Variants in FAM184A observed in about 807,000 individuals in gnomAD.
The protein encoded by FAM184A is protein FAM184A.
FAM184A carries 99 observed loss-of-function variants against 143.8 expected under a neutral mutation model. That is an observed-to-expected ratio of 0.69 (90% CI 0.58 to 0.81). FAM184A has a LOEUF of 0.81. Ranked by LOEUF, FAM184A falls within the 40% of genes least tolerant of loss-of-function variation. FAM184A has a pLI of 0.00. For missense variants in FAM184A, 1,217 were observed against 1,310.5 expected, an observed-to-expected ratio of 0.93 and a Z score of 1.10; for synonymous variants, 427 against 446.4, an observed-to-expected ratio of 0.96 and a Z score of 0.55.
intron 7 of FAM184A, chr6:119,006,048 T>C (rs1313147345): frequency 3.9e-6 from 3 of 763,226 alleles, no homozygotes; most frequent in Non-Finnish European, 7.2e-6. Flanking sequence ...TGTATTAAGT[T>C]AAGATGATGT....
intron 1 of FAM184A, among the ~76,000 whole-genome samples, chr6:119,045,409 G>A (rs1019086549): frequency 6.6e-6 from 1 of 150,774 alleles, no homozygotes; most frequent in Admixed American, 6.7e-5. Flanking sequence ...AAACCTACCC[G>A]ATGTGCAGAT....
intron 1 of FAM184A, among the ~76,000 whole-genome samples, chr6:119,065,635 G>C (rs1262929894): frequency 6.6e-6 from 1 of 152,062 alleles, no homozygotes; most frequent in East Asian, 1.9e-4. Flanking sequence ...GTATATGACA[G>C]ACCCGTTATC....
Position 119,003,044 on chromosome 6 carries a change from T to C in FAM184A, c.1943A>G (p.Glu648Gly). 1.9e-6 allele frequency: 3 copies of C among 1,596,696 alleles called. No homozygotes were observed. The highest frequency in any genetic ancestry group is 2.6e-6 in the Non-Finnish European group (3 of 1,175,166). ...EIKWTENLRQ[E>G]CSKLREELRL... ...TAACTCTTCACGAAGTTTAGAACAC[T>C]CTTGTCTAAAATAAAACAACTGCAT... The change falls in exon 9 of 18, where the codon GAG becomes GGG. Residue 648 changes from glutamate to glycine, a missense_variant. Glu to Gly is a moderately conservative substitution (Grantham distance 98). Coordinates refer to ENST00000338891, the MANE Select transcript of FAM184A (RefSeq NM_024581.6).
chr6:119,082,774 T>C (rs575988046), upstream of FAM184A, among the ~76,000 whole-genome samples: 7 of 152,342 alleles, frequency 4.6e-5, no homozygotes, highest in East Asian at 3.9e-4. Flanking sequence ...TGAGCGCCTG[T>C]GGCTTTTCCA....
chr6:118,969,899 T>G (rs1362462941), intron 14 of FAM184A, among the ~76,000 whole-genome samples: 1 of 142,128 alleles, frequency 7.0e-6, no homozygotes, highest in Non-Finnish European at 1.5e-5. Context: ...CATGTGGAGT[T>G]TGGTTTTGTT....
intron 9 of FAM184A, among the ~76,000 whole-genome samples, chr6:119,001,695 A>G (rs1474541285): frequency 6.6e-6 from 1 of 152,230 alleles, no homozygotes; most frequent in Non-Finnish European, 1.5e-5. Flanking sequence ...TTACAGTGCA[A>G]ACCCAGCCGA....
chr6:119,047,516 T>A (rs1005043973), intron 1 of FAM184A, among the ~76,000 whole-genome samples: 18 of 152,180 alleles, frequency 1.2e-4, no homozygotes, highest in Admixed American at 1.0e-3. Flanking sequence ...AAAGAAAATG[T>A]CGTACACAAT....
chr6:119,129,879 G>A lies in FAM184A; in HGVS notation c.-202+19199C>T, dbSNP rs548413165. On this transcript the variant is annotated intron_variant, in intron 1 of 16. Transcript: ENST00000352896. ...CCAATCCACAAAATCAGAAGCTTTGGGGATGTGGCCCAGAAATCTCTATTG... is the reference window on the plus strand; with the variant it reads ...CCAATCCACAAAATCAGAAGCTTTGAGGATGTGGCCCAGAAATCTCTATTG... Among the ~76,000 whole-genome samples the A allele has an allele frequency of 9.8e-4, 149 of 152,202 alleles. 2 individuals carry two copies. Among genetic ancestry groups the A allele is most frequent in the African/African-American group, 3.5e-3 (144 of 41,510 alleles).
chr6:118,989,364 A>AT (rs1784293092), intron 9 of FAM184A, among the ~76,000 whole-genome samples: 1 of 151,912 alleles, frequency 6.6e-6, no homozygotes. Flanking sequence ...CAATCACCTC[A>AT]TTTTTTACCT....
In FAM184A at chr6:118,975,006, T is replaced by C. The variant is rs1208306833; in HGVS notation, c.2768+18A>G. The C allele has an allele frequency of 2.5e-6, 4 of 1,593,594 alleles. No homozygotes were observed. Among genetic ancestry groups the C allele is most frequent in the Non-Finnish European group, 2.6e-6 (3 of 1,164,650 alleles). ...CAGATGACACTGCATATTCCTTCTG[T>C]TGTACTTAATGGCATACCTTATCTG... On this transcript the variant is annotated intron_variant, in intron 13 of 17. Transcript: ENST00000338891.
intron 1 of FAM184A, among the ~76,000 whole-genome samples, chr6:119,027,950 C>T (rs913219454): frequency 6.6e-6 from 1 of 152,144 alleles, no homozygotes; most frequent in African/African-American, 2.4e-5. Flanking sequence ...ACTGCAAATC[C>T]GAAGAGTTCT....
At chr6:119,062,813 G>A (rs1428979821) in intron 1 of FAM184A, among the ~76,000 whole-genome samples, 2 of 152,186 alleles carry the variant, frequency 1.3e-5, no homozygotes, top group Admixed American at 1.3e-4. Context: ...GTTTACCAAA[G>A]ACTGCTTTGT....
chr6:119,066,159 A>G (rs1787446331), intron 1 of FAM184A, among the ~76,000 whole-genome samples: 1 of 152,228 alleles, frequency 6.6e-6, no homozygotes, highest in Non-Finnish European at 1.5e-5. Context: ...ATGACTTTGT[A>G]GAGAGCCATG....
chr6:118,987,094 G>T (rs934107587), intron 9 of FAM184A, among the ~76,000 whole-genome samples: 2 of 152,114 alleles, frequency 1.3e-5, no homozygotes, highest in African/African-American at 4.8e-5. Context: ...TTCATTCCAG[G>T]AGTATCAGAA....
chr6:118,965,062 G>A (rs1433623987), intron 15 of FAM184A, among the ~76,000 whole-genome samples: 2 of 152,124 alleles, frequency 1.3e-5, no homozygotes, highest in Non-Finnish European at 2.9e-5. Context: ...ATGCAGTTTG[G>A]GCAGGTTTAC....
intron 1 of FAM184A, among the ~76,000 whole-genome samples, chr6:119,116,165 T>A (rs1319502519): frequency 6.6e-6 from 1 of 152,108 alleles, no homozygotes; most frequent in Non-Finnish European, 1.5e-5. Flanking sequence ...TTGTAATGGC[T>A]TGCTCAGAGG....
intron 1 of FAM184A, among the ~76,000 whole-genome samples, chr6:119,026,331 A>G (rs1250057431): frequency 2.0e-5 from 3 of 152,188 alleles, no homozygotes; most frequent in African/African-American, 7.2e-5. Flanking sequence ...GGACTCCTTC[A>G]TTTACACATT....
chr6:118,967,460 A>G (rs905005878), intron 14 of FAM184A, among the ~76,000 whole-genome samples: 12 of 152,222 alleles, frequency 7.9e-5, no homozygotes, highest in Non-Finnish European at 1.3e-4. Flanking sequence ...CCTGGTTTAT[A>G]GAAAAGAAAG....
At chr6:119,029,721 T>G (rs1785799943) in intron 1 of FAM184A, among the ~76,000 whole-genome samples, 1 of 152,132 alleles carries the variant, frequency 6.6e-6, no homozygotes, top group South Asian at 2.1e-4. Context: ...TTAAAAAATA[T>G]TATAGTGAGG....
Sources: allele counts gnomAD v4.1 joint callset (sites outside exome capture counted in the v4.1 genomes callset), GRCh38; gene constraint gnomAD v4.1.1; transcripts MANE v1.5; gene names NCBI Gene and HGNC (gene_info 2026-07-23, HGNC 2026-07-21).